Variants in ZBTB20 observed in about 807,000 individuals in gnomAD.
ZBTB20 encodes the protein zinc finger and BTB domain containing 20.
ZBTB20 carries 9 observed loss-of-function variants against 56.9 expected under a neutral mutation model. That is an observed-to-expected ratio of 0.16 (90% CI 0.10 to 0.28). The LOEUF (loss-of-function observed/expected upper bound fraction) is 0.28. Ranked by LOEUF, ZBTB20 falls within the 10% of genes least tolerant of loss-of-function variation. The pLI, the probability that ZBTB20 is intolerant of heterozygous loss-of-function variation, is 1.00. For synonymous variants in ZBTB20, 417 were observed against 420.7 expected, an observed-to-expected ratio of 0.99 and a Z score of 0.11; for missense variants, 655 against 1,003.0, an observed-to-expected ratio of 0.65 and a Z score of 4.69.
chr3:114,360,204 T>G (rs1576345504), intron 10 of ZBTB20, among the ~76,000 whole-genome samples: 2 of 152,158 alleles, frequency 1.3e-5, no homozygotes, highest in African/African-American at 4.8e-5. Context: ...GAAACTGCTT[T>G]TGAAGCAGGT....
At chr3:114,780,891 A>G (rs1424595395) in intron 5 of ZBTB20, among the ~76,000 whole-genome samples, 1 of 152,170 alleles carries the variant, frequency 6.6e-6, no homozygotes, top group Non-Finnish European at 1.5e-5. Context: ...AAGCAAACAT[A>G]TTCTGTATTA....
At chr3:114,412,786 T>G (rs1294330770) in intron 7 of ZBTB20, among the ~76,000 whole-genome samples, 1 of 152,156 alleles carries the variant, frequency 6.6e-6, no homozygotes, top group Non-Finnish European at 1.5e-5. Context: ...TTCTACTTCT[T>G]CTTTAGGATA....
chr3:114,408,525 AT>A lies in ZBTB20; in HGVS notation c.-254-19421del, dbSNP rs112947085. 1.0e-3 allele frequency among the ~76,000 whole-genome samples: 150 copies of A among 147,424 alleles called. 1 individual carries two copies. Among genetic ancestry groups the A allele is most frequent in the Non-Finnish European group, 1.2e-3 (83 of 66,458 alleles). On this transcript the variant is annotated intron_variant, in intron 7 of 11. Coordinates refer to ENST00000675478, the MANE Select transcript of ZBTB20 (RefSeq NM_001348800.3). ...TACCCTCCCTTCCTTTCTTCTAGTG[AT>A]TTTTTTTTTTGTATTGGAACAATCG...
chr3:114,490,335 C>T (rs979071971), intron 7 of ZBTB20, among the ~76,000 whole-genome samples: 1 of 152,008 alleles, frequency 6.6e-6, no homozygotes, highest in African/African-American at 2.4e-5. Flanking sequence ...GATTCTCCTG[C>T]CTCATCCTCC....
At chr3:114,389,599 T>C (rs1049041802) in intron 7 of ZBTB20, among the ~76,000 whole-genome samples, 1 of 152,032 alleles carries the variant, frequency 6.6e-6, no homozygotes, top group African/African-American at 2.4e-5. Context: ...AATTAAAATA[T>C]GCATTACCGG....
At chr3:114,343,984 G>A (rs866579821) in intron 11 of ZBTB20, among the ~76,000 whole-genome samples, 8 of 152,186 alleles carry the variant, frequency 5.3e-5, no homozygotes, top group Middle Eastern at 3.4e-3. Flanking sequence ...GGGAGGTGGA[G>A]GTTGAAGTGA....
At chr3:114,998,579 T>C (rs2079119742) in intron 2 of ZBTB20, among the ~76,000 whole-genome samples, 2 of 151,684 alleles carry the variant, frequency 1.3e-5, no homozygotes, top group East Asian at 2.0e-4. Flanking sequence ...CATGATGATG[T>C]AGAATAGAAT....
intron 5 of ZBTB20, among the ~76,000 whole-genome samples, chr3:114,738,991 C>T (rs908997788): frequency 7.2e-5 from 11 of 152,264 alleles, no homozygotes; most frequent in Middle Eastern, 6.8e-3. Context: ...AGGGCATCAG[C>T]GATCCTGGGC....
chr3:114,873,330 T>C (rs2076075686), intron 4 of ZBTB20: 1 of 152,138 alleles, frequency 6.6e-6, no homozygotes, highest in African/African-American at 2.4e-5. Flanking sequence ...AATTAACGGG[T>C]TCATATATGT....
intron 6 of ZBTB20, among the ~76,000 whole-genome samples, chr3:114,563,710 T>C (rs1219149387): frequency 6.6e-6 from 1 of 152,194 alleles, no homozygotes; most frequent in African/African-American, 2.4e-5. Context: ...TGATTTTAAT[T>C]TGTAATACAT....
At chr3:114,795,595 T>C in intron 5 of ZBTB20, among the ~76,000 whole-genome samples, 1 of 152,110 alleles carries the variant, frequency 6.6e-6, no homozygotes, top group East Asian at 1.9e-4. Flanking sequence ...TTATTTTCTG[T>C]CCTTCAATGT....
At chr3:114,500,628 C>CA (rs1387023756) in intron 6 of ZBTB20, among the ~76,000 whole-genome samples, 3 of 152,120 alleles carry the variant, frequency 2.0e-5, no homozygotes, top group African/African-American at 7.2e-5. Context: ...ACAGTACTTC[C>CA]CAGCACAAGG....
At chr3:114,844,452 T>C (rs2107348426) in intron 4 of ZBTB20, among the ~76,000 whole-genome samples, 1 of 120,644 alleles carries the variant, frequency 8.3e-6, no homozygotes, top group South Asian at 2.6e-4. Context: ...GCCCAGGAGT[T>C]TGAGGTTACA....
At chr3:114,627,792 T>C (rs924022841) in intron 6 of ZBTB20, among the ~76,000 whole-genome samples, 1 of 152,226 alleles carries the variant, frequency 6.6e-6, no homozygotes, top group African/African-American at 2.4e-5. Flanking sequence ...CCGTTTCCTC[T>C]TTTCTTTTCC....
chr3:114,964,732 AG>A (rs1363924188), intron 3 of ZBTB20, among the ~76,000 whole-genome samples: 6 of 152,116 alleles, frequency 3.9e-5, no homozygotes, highest in Non-Finnish European at 7.4e-5. Flanking sequence ...TTTGGAAGTT[AG>A]GGGCTCAAAG....
At chr3:114,412,728 T>A (rs2088099759) in intron 7 of ZBTB20, among the ~76,000 whole-genome samples, 1 of 152,128 alleles carries the variant, frequency 6.6e-6, no homozygotes, top group Non-Finnish European at 1.5e-5. Flanking sequence ...AACCTAGACT[T>A]GATTCTGGTC....
rs536297815 is a variant in ZBTB20, at chr3:115,037,564, C to G, written c.-507+33655G>C. 1.3e-4 allele frequency among the ~76,000 whole-genome samples: 20 copies of G among 152,266 alleles called. No homozygotes were observed. In the East Asian group the frequency reaches 3.7e-3, roughly 28 times the overall value. On this transcript the variant is annotated intron_variant, in intron 2 of 11. Coordinates refer to ENST00000675478, the MANE Select transcript of ZBTB20 (RefSeq NM_001348800.3). ...CCTCCCAAAGTGCTGGGATTACAGG[C>G]GTGGCCACCATGGTGGGCCCCAAGT... is the stretch of plus-strand genomic sequence containing the variant.
intron 4 of ZBTB20, among the ~76,000 whole-genome samples, chr3:114,804,698 C>T (rs1467755512): frequency 2.0e-5 from 3 of 151,742 alleles, no homozygotes; most frequent in Non-Finnish European, 4.4e-5. Flanking sequence ...AATGAACTCT[C>T]CAGTACCCAT....
At chr3:114,464,953 G>T (rs1270063546) in intron 7 of ZBTB20, among the ~76,000 whole-genome samples, 1 of 151,998 alleles carries the variant, frequency 6.6e-6, no homozygotes, top group Admixed American at 6.6e-5. Flanking sequence ...GTTTGTAGAT[G>T]TTCTCAAGAC....
Sources: gnomAD v4.1 joint callset for allele counts (sites outside exome capture counted in the v4.1 genomes callset) on GRCh38, gnomAD v4.1.1 for gene constraint, MANE v1.5 for transcripts, NCBI Gene and HGNC (gene_info 2026-07-23, HGNC 2026-07-21) for gene names.